NBAS: variants seen among roughly 807,000 people sequenced by gnomAD.
NBAS encodes NBAS subunit of NRZ tethering complex.
NBAS carries 219 observed loss-of-function variants against 302.5 expected under a neutral mutation model. The observed-to-expected ratio is 0.72, with a 90% CI of 0.65 to 0.81. The LOEUF is 0.81. Among genes scored for constraint, NBAS ranks in the 30% least tolerant of loss-of-function variants. NBAS has a pLI of 0.00. For synonymous variants in NBAS, 1,118 were observed against 1,021.6 expected, an observed-to-expected ratio of 1.09 and a Z score of -1.80; for missense variants, 2,932 against 2,841.6, an observed-to-expected ratio of 1.03 and a Z score of -0.72.
intron 9 of NBAS, among the ~76,000 whole-genome samples, chr2:15,521,759 T>C (rs1335742430): frequency 1.3e-5 from 2 of 152,180 alleles, no homozygotes; most frequent in East Asian, 1.9e-4. Flanking sequence ...CCTAGAGTTA[T>C]CTAGACCAGG....
At chr2:15,470,582 A>G (rs1679915995) in intron 16 of NBAS, among the ~76,000 whole-genome samples, 1 of 152,182 alleles carries the variant, frequency 6.6e-6, no homozygotes, top group East Asian at 1.9e-4. Context: ...ATTTGTTCAT[A>G]CCATCTGTCC....
At chr2:15,056,364 G>C in the NBAS span, among the ~76,000 whole-genome samples, 1 of 152,070 alleles carries the variant, frequency 6.6e-6, no homozygotes, top group Admixed American at 6.5e-5. Context: ...GGTATGATGG[G>C]GTATCAGGAC....
chr2:15,021,628 G>C, the NBAS span, among the ~76,000 whole-genome samples: 1 of 145,938 alleles, frequency 6.9e-6, no homozygotes, highest in African/African-American at 2.6e-5. Context: ...CACCCACTTT[G>C]GCCCTGACTG....
chr2:15,130,755 C>T, the NBAS span, among the ~76,000 whole-genome samples: 11 of 152,320 alleles, frequency 7.2e-5, 1 homozygote, highest in South Asian at 6.2e-4. Context: ...TCGAAGTCTC[C>T]GCTAAGCCAT....
chr2:14,943,818 A>C, the NBAS span, among the ~76,000 whole-genome samples: 1 of 152,074 alleles, frequency 6.6e-6, no homozygotes, highest in Non-Finnish European at 1.5e-5. Context: ...CTATAACCTC[A>C]AAGTAAATTA....
chr2:15,301,756 G>A (rs1670807044), intron 40 of NBAS, among the ~76,000 whole-genome samples: 1 of 152,250 alleles, frequency 6.6e-6, no homozygotes, highest in Non-Finnish European at 1.5e-5. Context: ...ACCCAATCCA[G>A]CTTGGAGGAC....
At chr2:15,399,291 C>T (rs1676030351) in intron 26 of NBAS, among the ~76,000 whole-genome samples, 1 of 151,788 alleles carries the variant, frequency 6.6e-6, no homozygotes, top group African/African-American at 2.4e-5. Flanking sequence ...CAGAGCCCAG[C>T]AAGGAAGAAA....
At chr2:14,802,989 T>G in the NBAS span, among the ~76,000 whole-genome samples, 1 of 150,622 alleles carries the variant, frequency 6.6e-6, no homozygotes, top group African/African-American at 2.5e-5. Flanking sequence ...TGTATACATA[T>G]GTAACTAACC....
intron 25 of NBAS, 118 bp from the exon 26 acceptor site, chr2:15,402,419 A>C (rs112265486): frequency 1.0e-6 from 1 of 1,002,570 alleles, no homozygotes; most frequent in Non-Finnish European, 1.5e-6. Context: ...TATAGAAACA[A>C]GTCTTGATTT....
intron 44 of NBAS, among the ~76,000 whole-genome samples, chr2:15,270,280 T>C (rs1202668961): frequency 1.3e-5 from 2 of 152,206 alleles, no homozygotes; most frequent in Non-Finnish European, 2.9e-5. Flanking sequence ...TTCTCCTGCC[T>C]CAGCCTCCCG....
At chr2:15,307,176 T>C (rs1278440226) in intron 40 of NBAS, among the ~76,000 whole-genome samples, 5 of 152,176 alleles carry the variant, frequency 3.3e-5, no homozygotes, top group Admixed American at 3.3e-4. Context: ...CCAAACAAGA[T>C]GTGGGCAGCA....
At chr2:15,215,618 T>C (rs1454992118) in intron 48 of NBAS, among the ~76,000 whole-genome samples, 1 of 152,042 alleles carries the variant, frequency 6.6e-6, no homozygotes, top group East Asian at 1.9e-4. Context: ...AGAGAGAAAA[T>C]GAAAAAAACA....
intron 48 of NBAS, among the ~76,000 whole-genome samples, chr2:15,200,712 T>C (rs759264862): frequency 1.3e-5 from 2 of 152,234 alleles, no homozygotes; most frequent in African/African-American, 2.4e-5. Context: ...ATTAGGTGAC[T>C]TTTGCCCTTG....
intron 49 of NBAS, among the ~76,000 whole-genome samples, chr2:15,189,642 C>T (rs974324590): frequency 6.6e-6 from 1 of 152,168 alleles, no homozygotes; most frequent in Non-Finnish European, 1.5e-5. Flanking sequence ...ACCACCAGGA[C>T]TGGATAAGTA....
chr2:15,341,577 C>A (rs1672855387), intron 35 of NBAS, among the ~76,000 whole-genome samples: 1 of 151,816 alleles, frequency 6.6e-6, no homozygotes, highest in African/African-American at 2.4e-5. Flanking sequence ...AAATGTATTG[C>A]TTATTACAAA....
At chr2:15,249,652 A>G (rs1369001347) in intron 44 of NBAS, among the ~76,000 whole-genome samples, 1 of 152,212 alleles carries the variant, frequency 6.6e-6, no homozygotes, top group Non-Finnish European at 1.5e-5. Context: ...AATCACAAGC[A>G]TTTCTATACA....
Position 15,305,449 on chromosome 2 carries a change from GTT to G in NBAS, c.4797+2765_4797+2766del, listed in dbSNP as rs35136896. 5.7e-3 allele frequency among the ~76,000 whole-genome samples: 710 copies of G among 123,756 alleles called. 5 individuals are homozygous for G. Among genetic ancestry groups the G allele is most frequent in the African/African-American group, 0.017 (561 of 32,862 alleles). 81.2% of individuals were successfully genotyped at this position (123,756 alleles called of 152,430 possible). The stretch of plus-strand genomic sequence containing the variant: ...TTTATAAATTACTCAGTCTCGAGCA[GTT>G]TTTTTTTTTTTTTTTTTTTAGATGG... On this transcript the variant is annotated intron_variant, in intron 40 of 51. Coordinates refer to ENST00000281513, the MANE Select transcript of NBAS (RefSeq NM_015909.4).
At chr2:15,193,874 T>C (rs1256144431) in intron 48 of NBAS, among the ~76,000 whole-genome samples, 1 of 151,892 alleles carries the variant, frequency 6.6e-6, no homozygotes, top group African/African-American at 2.4e-5. Context: ...AGCACAACTA[T>C]AAACTATAGG....
At chr2:14,880,185 C>G in the NBAS span, among the ~76,000 whole-genome samples, 65 of 152,176 alleles carry the variant, frequency 4.3e-4, 1 homozygote, top group East Asian at 0.01. Context: ...AGCCCTTGAA[C>G]AAAGAAACCC....
Sources: allele counts gnomAD v4.1 joint callset (sites outside exome capture counted in the v4.1 genomes callset), GRCh38; gene constraint gnomAD v4.1.1; transcripts MANE v1.5; gene names NCBI Gene and HGNC (gene_info 2026-07-23, HGNC 2026-07-21).